The following ZMYM4 variants were observed in gnomAD, a reference collection of about 807,000 sequenced individuals.
The protein encoded by ZMYM4 is zinc finger MYM-type protein 4.
A neutral mutation model predicts 183.2 loss-of-function variants in ZMYM4; 31 were observed. The ratio of observed to expected loss-of-function variants is 0.17; its 90% CI spans 0.13 to 0.23. ZMYM4 has a LOEUF of 0.23. Among genes scored for constraint, ZMYM4 ranks in the 10% least tolerant of loss-of-function variants. The pLI, the probability that ZMYM4 is intolerant of heterozygous loss-of-function variation, is 1.00. For missense variants in ZMYM4, 1,273 were observed against 1,840.3 expected (o/e 0.69, Z 5.64); for synonymous variants, 592 against 631.2 (o/e 0.94, Z 0.93).
rs1644184549 is a variant in ZMYM4 at position 35,370,641 on chromosome 1, C to T, written c.1181+14C>T. 1 of 1,526,734 alleles carries T rather than the reference C, an allele frequency of 6.5e-7. No individual in the cohort carries two copies. The highest frequency in any genetic ancestry group is 8.9e-7 in the Non-Finnish European group (1 of 1,126,932). The allele number at this position is 1,526,734 out of a possible 1,614,324, so 94.6% of individuals were successfully genotyped here. ...AAGTTGCTCAAAGTATAGCAGAATT[C>T]TAAATTATCTTTTTTGTTTCTTTCC... On this transcript the variant is annotated intron_variant, in intron 7 of 29. Coordinates refer to ENST00000314607, the MANE Select transcript of ZMYM4 (RefSeq NM_005095.3).
intron 1 of ZMYM4, among the ~76,000 whole-genome samples, chr1:35,274,620 A>ATTT: frequency 6.7e-6 from 1 of 150,312 alleles, no homozygotes; most frequent in South Asian, 2.1e-4. Flanking sequence ...TTTTTTTAAA[A>ATTT]AAAAAAAAAA....
At chr1:35,289,731 G>GC (rs1053897731) in intron 1 of ZMYM4, among the ~76,000 whole-genome samples, 3 of 152,078 alleles carry the variant, frequency 2.0e-5, no homozygotes, top group African/African-American at 7.2e-5. Flanking sequence ...CAATAGCACT[G>GC]CCCCACTAGT....
intron 2 of ZMYM4, among the ~76,000 whole-genome samples, chr1:35,328,092 G>T (rs1642581698): frequency 6.6e-6 from 1 of 152,154 alleles, no homozygotes; most frequent in African/African-American, 2.4e-5. Context: ...CTGATGGATT[G>T]TTAAAGTTGT....
intron 1 of ZMYM4, among the ~76,000 whole-genome samples, chr1:35,298,861 A>G (rs1641143842): frequency 6.6e-6 from 1 of 152,014 alleles, no homozygotes; most frequent in Non-Finnish European, 1.5e-5. Flanking sequence ...ACTGGTGAGA[A>G]CCCACATAGT....
At chr1:35,390,272 C>T (rs1411085186) in intron 15 of ZMYM4, among the ~76,000 whole-genome samples, 174 bp downstream of exon 15, 3 of 152,052 alleles carry the variant, frequency 2.0e-5, no homozygotes, top group African/African-American at 4.8e-5. Context: ...ATTTCACTGT[C>T]GTCCGTGTGA....
At position 35,385,547 on chromosome 1, in the gene ZMYM4, G is replaced by A; in HGVS notation, c.1675G>A (p.Val559Ile). 6.2e-7 allele frequency: 1 copy of A among 1,611,914 alleles called. No individual in the cohort carries two copies. Among genetic ancestry groups the A allele is most frequent in the Non-Finnish European group, 8.5e-7 (1 of 1,179,348 alleles). Reference protein sequence around the residue: ...SLGKTELFCSVNCLSAYRVKM... With the variant: ...SLGKTELFCSINCLSAYRVKM... ...GGGGAAGACAGAGCTTTTCTGTTCTGTTAATTGCTTATCTGCTTACAGAGT... is the reference window on the plus strand; with the variant it reads ...GGGGAAGACAGAGCTTTTCTGTTCTATTAATTGCTTATCTGCTTACAGAGT... Residue 559 changes from valine to isoleucine, a missense_variant, in exon 10 of 30, where the codon GTT (valine) becomes ATT (isoleucine). By Grantham distance (29) the Val-to-Ile change is conservative. Transcript: ENST00000314607.
At chr1:35,391,132 A>G (rs1419340433) in intron 15 of ZMYM4, among the ~76,000 whole-genome samples, 1 of 152,234 alleles carries the variant, frequency 6.6e-6, no homozygotes, top group Non-Finnish European at 1.5e-5. Context: ...TCATAGGTAA[A>G]GGCAGATTTA....
intron 2 of ZMYM4, among the ~76,000 whole-genome samples, chr1:35,355,058 C>CA (rs1643766410): frequency 6.6e-6 from 1 of 151,724 alleles, no homozygotes; most frequent in Non-Finnish European, 1.5e-5. Context: ...ATTTTTGAGA[C>CA]AGAGTCTAAC....
At chr1:35,370,291 T>C in intron 6 of ZMYM4, 81 bp from the exon 7 acceptor site, 1 of 1,448,272 alleles carries the variant, frequency 6.9e-7, no homozygotes, top group Non-Finnish European at 9.1e-7. Context: ...AAAGAAAGAA[T>C]GTCTACTTAA....
intron 5 of ZMYM4, 148 bp downstream of exon 5, chr1:35,361,937 A>G (rs904808610): frequency 9.6e-5 from 101 of 1,054,466 alleles, no homozygotes; most frequent in Non-Finnish European, 1.3e-4. Context: ...GAATTACCAT[A>G]TAAGGCATTA....
At chr1:35,298,601 G>C (rs773498797) in intron 1 of ZMYM4, among the ~76,000 whole-genome samples, 1 of 152,144 alleles carries the variant, frequency 6.6e-6, no homozygotes, top group Non-Finnish European at 1.5e-5. Context: ...ACTGAGACTT[G>C]CTGGGGAGTT....
At chr1:35,327,787 G>A (rs538836923) in intron 2 of ZMYM4, among the ~76,000 whole-genome samples, 1 of 152,338 alleles carries the variant, frequency 6.6e-6, no homozygotes, top group Admixed American at 6.5e-5. Flanking sequence ...CTGCCAGAAA[G>A]CAGTTATATT....
chr1:35,393,839 G>A (rs1264325411), intron 18 of ZMYM4, 100 bp downstream of exon 18: 1 of 1,358,232 alleles, frequency 7.4e-7, no homozygotes, highest in Non-Finnish European at 9.7e-7. Flanking sequence ...TGATGTGTTT[G>A]GTTGTTTGTA....
intron 13 of ZMYM4, among the ~76,000 whole-genome samples, chr1:35,387,955 G>A (rs1490657112): frequency 6.6e-6 from 1 of 152,034 alleles, no homozygotes; most frequent in African/African-American, 2.4e-5. Context: ...AACATTCTAA[G>A]TTTATACTTT....
chr1:35,347,834 T>G (rs1232423343), intron 2 of ZMYM4, among the ~76,000 whole-genome samples: 1 of 152,338 alleles, frequency 6.6e-6, no homozygotes, highest in Non-Finnish European at 1.5e-5. Flanking sequence ...GTATTTATTA[T>G]TTTGCTTATT....
At chr1:35,274,728 G>T (rs1639786933) in intron 1 of ZMYM4, among the ~76,000 whole-genome samples, 2 of 151,050 alleles carry the variant, frequency 1.3e-5, no homozygotes, top group Admixed American at 6.6e-5. Flanking sequence ...TATAAATAAT[G>T]ATAATACTTG....
chr1:35,361,780 C>T lies in ZMYM4; in HGVS notation c.831C>T (p.Asp277=), dbSNP rs1643941063. The T allele has an allele frequency of 6.2e-7, 1 of 1,604,212 alleles. No homozygotes were observed. The highest frequency in any genetic ancestry group is 8.5e-7 in the Non-Finnish European group (1 of 1,177,200). The change falls in exon 5 of 30, where the codon GAC becomes GAT. Residue 277 remains aspartate (D), a synonymous_variant. Transcript: ENST00000314607. ...GLLDKIKDEP[D]NAQEYSHGQQ... ...TAGACAAAATAAAAGATGAACCTGA[C>T]AATGCTCAAGTAAACATTTCACCTT...
intron 5 of ZMYM4, among the ~76,000 whole-genome samples, chr1:35,369,013 C>G (rs894559057): frequency 6.6e-6 from 1 of 152,146 alleles, no homozygotes; most frequent in African/African-American, 2.4e-5. Flanking sequence ...GTGCCTCACT[C>G]ACCTCATCCC....
chr1:35,343,769 G>A (rs901570775), intron 2 of ZMYM4, among the ~76,000 whole-genome samples: 1 of 151,796 alleles, frequency 6.6e-6, no homozygotes, highest in African/African-American at 2.4e-5. Context: ...GGAGGCTGAG[G>A]CAGACAATTG....
Sources: allele counts gnomAD v4.1 joint callset (sites outside exome capture counted in the v4.1 genomes callset), GRCh38; gene constraint gnomAD v4.1.1; transcripts MANE v1.5; gene names NCBI Gene and HGNC (gene_info 2026-07-23, HGNC 2026-07-21).